The following SF1 variants were observed in gnomAD, a reference collection of about 807,000 sequenced individuals.
SF1 encodes the protein branch point-binding protein.
In SF1, 7 loss-of-function variants were observed where a neutral mutation model predicts 62.5. The observed-to-expected ratio is 0.11, with a 90% CI of 0.06 to 0.21. The LOEUF (loss-of-function observed/expected upper bound fraction) is 0.21, where lower values mean the gene tolerates loss of function less well. SF1 is among the 10% of genes least tolerant of loss of function. The pLI, the probability that SF1 is intolerant of heterozygous loss-of-function variation, is 1.00. For synonymous variants in SF1, 394 were observed against 323.6 expected (o/e 1.22, Z -2.33); for missense variants, 578 against 884.0 (o/e 0.65, Z 4.39).
chr11:64,766,814 C>A, intron 12 of SF1, 86 bp downstream of exon 12: 2 of 1,156,444 alleles, frequency 1.7e-6, no homozygotes, highest in African/African-American at 1.5e-5. Flanking sequence ...TCCCAAGACA[C>A]CTGCCTGCTT....
chr11:64,766,515 T>G, intron 12 of SF1: 1 of 439,630 alleles, frequency 2.3e-6, no homozygotes, highest in Non-Finnish European at 4.1e-6. Flanking sequence ...CACTGCCCAG[T>G]CCCACCTCTG....
chr11:64,765,418 A>T lies in SF1; in HGVS notation c.*400T>A, dbSNP rs1316223447. On this transcript the variant is annotated 3_prime_UTR_variant, in exon 13 of 13. Coordinates refer to ENST00000377390, the MANE Select transcript of SF1 (RefSeq NM_004630.4). ...GCTGCTTTGCCGAACCATCCTGTCC[A>T]CCAGGGGCGTTGCTGAGGCTGTCTG... 1 of 1,494,804 alleles carries T rather than the reference A, an allele frequency of 6.7e-7. No individual in the cohort carries two copies. The highest frequency in any genetic ancestry group is 1.7e-5 in the Admixed American group (1 of 59,778). 92.6% of individuals were successfully genotyped at this position (1,494,804 alleles called of 1,614,324 possible).
At chr11:64,778,237 G>GGGCGGGGGC in intron 1 of SF1, 125 bp downstream of exon 1, 1 of 1,196,510 alleles carries the variant, frequency 8.4e-7, no homozygotes, top group Non-Finnish European at 1.0e-6. Context: ...TCGAGCCCAC[G>GGGCGGGGGC]GGCGGGGGCG....
chr11:64,776,456 TAA>T (rs764474814), intron 2 of SF1, 40 bp downstream of exon 2: 1 of 1,526,430 alleles, frequency 6.6e-7, no homozygotes, highest in Admixed American at 2.3e-5. Flanking sequence ...GAATAAATCG[TAA>T]CAATCTCAAA....
At chr11:64,766,650 C>G (rs2058693640) in intron 12 of SF1, 1 of 445,266 alleles carries the variant, frequency 2.2e-6, no homozygotes, top group African/African-American at 2.0e-5. Flanking sequence ...CTTCTGGCCC[C>G]CTACCTACAA....
chr11:64,767,620 CGGT>C lies in SF1; in HGVS notation c.1290_1292del (p.Pro431del). The C allele has an allele frequency of 5.0e-6, 8 of 1,586,230 alleles. No homozygotes were observed. Among genetic ancestry groups the C allele is most frequent in the East Asian group, 2.3e-5 (1 of 44,332 alleles). Reference sequence around the variant, plus strand: ...CAGGAGGGTGGGGGCCCTGGTTCATCGGTGGTGGTGGTGGCTGCATCCAAGGGG... The same window carrying C: ...CAGGAGGGTGGGGGCCCTGGTTCATCGGTGGTGGTGGCTGCATCCAAGGGG... On this transcript the variant is annotated inframe_deletion, in exon 10 of 13. Transcript: ENST00000377390.
chr11:64,773,319 C>T (rs984853830), intron 3 of SF1, 111 bp downstream of exon 3: 1 of 1,525,484 alleles, frequency 6.6e-7, no homozygotes, highest in East Asian at 2.5e-5. Context: ...GGTCAGGGTA[C>T]AGTCGTCATA....
chr11:64,769,624 A>G lies in SF1; in HGVS notation c.480-15T>C. The G allele has an allele frequency of 6.2e-7, 1 of 1,609,670 alleles. No individual in the cohort carries two copies. Among genetic ancestry groups the G allele is most frequent in the Non-Finnish European group, 8.5e-7 (1 of 1,177,022 alleles). ...GGGTGTTCCCTCTAGAGAGGCAGAA[A>G]TGACTAAGTTTATACCTGACAAATT... is the stretch of plus-strand genomic sequence containing the variant. On this transcript the variant is annotated splice_polypyrimidine_tract_variant and intron_variant, in intron 5 of 12. Coordinates refer to ENST00000377390, the MANE Select transcript of SF1 (RefSeq NM_004630.4).
intron 3 of SF1, chr11:64,772,801 AG>A (rs1207342910): frequency 7.1e-6 from 7 of 985,282 alleles, no homozygotes; most frequent in African/African-American, 1.7e-5. Flanking sequence ...GCTCCCTTTA[AG>A]GAAAAAAAAA....
In SF1 at chr11:64,767,466, G is replaced by A. The variant is rs980200869; in HGVS notation, c.1342+105C>T. 1.8e-5 allele frequency: 23 copies of A among 1,248,664 alleles called. No individual in the cohort carries two copies. The African/African-American group carries it at 2.2e-4, about 12-fold the overall frequency. The allele number at this position is 1,248,664 out of a possible 1,614,324, so 77.3% of individuals were successfully genotyped here. A position where few individuals can be genotyped will look rare whatever the true frequency, so the allele number is the denominator to read the frequency against. On this transcript the variant is annotated intron_variant, in intron 10 of 12. Transcript: ENST00000377390. ...AACCCTGGCAAGCCAGGCAGACCCA[G>A]CACATTGCCCAGCCACTTGAGAGCT...
At chr11:64,770,178 C>T in intron 4 of SF1, 78 bp downstream of exon 4, 1 of 1,566,232 alleles carries the variant, frequency 6.4e-7, no homozygotes, top group Non-Finnish European at 8.8e-7. Context: ...GTGAGTAGTA[C>T]CAATACTGTC....
rs1305142127 is a variant in SF1, at chr11:64,769,603, G to A, written c.486C>T (p.Asn162=). ...ACTCCTTCTCTATGTTCTTCAGGGTGTTCCCTCTAGAGAGGCAGAAATGAC... is the reference window on the plus strand; with the variant it reads ...ACTCCTTCTCTATGTTCTTCAGGGTATTCCCTCTAGAGAGGCAGAAATGAC... ...FVGLLIGPRG[N]TLKNIEKECN... Residue 162 remains asparagine (N), a synonymous_variant, in exon 6 of 13, where the codon AAC becomes AAT. Transcript: ENST00000377390. The A allele has an allele frequency of 1.2e-6, 2 of 1,613,296 alleles. No individual in the cohort carries two copies. The highest frequency in any genetic ancestry group is 1.3e-5 in the African/African-American group (1 of 74,880).
intron 1 of SF1, 66 bp from the exon 2 acceptor site, chr11:64,776,692 A>T: frequency 6.6e-7 from 1 of 1,505,904 alleles, no homozygotes; most frequent in Non-Finnish European, 9.1e-7. Context: ...AGCTAAGGGT[A>T]TTTAAGGTAC....
Position 64,778,447 on chromosome 11 carries a change from T to G in SF1, c.-55A>C. The G allele has an allele frequency of 8.2e-7, 1 of 1,213,108 alleles. No individual in the cohort carries two copies. The highest frequency in any genetic ancestry group is 1.0e-6 in the Non-Finnish European group (1 of 975,042). 75.1% of individuals were successfully genotyped at this position (1,213,108 alleles called of 1,614,324 possible). ...GCTTTTCCTCTGCGGCGGCTTCTCCTTCGCAAGCCTCCCGGGGGGAGGGGA... is the reference window on the plus strand; with the variant it reads ...GCTTTTCCTCTGCGGCGGCTTCTCCGTCGCAAGCCTCCCGGGGGGAGGGGA... On this transcript the variant is annotated 5_prime_UTR_variant, in exon 1 of 13. Coordinates refer to ENST00000377390, the MANE Select transcript of SF1 (RefSeq NM_004630.4).
intron 3 of SF1, chr11:64,772,389 T>C (rs1938464211): frequency 1.0e-6 from 1 of 983,660 alleles, no homozygotes; most frequent in Non-Finnish European, 1.2e-6. Flanking sequence ...AATCTATCTA[T>C]AGGTAAAATA....
chr11:64,768,168 C>T lies in SF1; in HGVS notation c.1006G>A (p.Ala336Thr), dbSNP rs1330054523. Reference protein sequence around the residue: ...PASVGSTSGPATTPLASAPRP... With the variant: ...PASVGSTSGPTTTPLASAPRP... ...GGTGCGCTGGCCAGGGGTGTGGTGG[C>T]AGGCCCAGAGGTGGAGCCCACAGAT... The change falls in exon 9 of 13, where the codon GCC (alanine) becomes ACC (threonine). Residue 336 changes from alanine (A) to threonine (T), a missense_variant. This residue lies in a region of SF1 where 410 missense variants were observed against 452.4 expected (regional missense o/e 0.91). Transcript: ENST00000377390. 3.7e-6 allele frequency: 6 copies of T among 1,613,832 alleles called. No individual in the cohort carries two copies. The Admixed American group carries it at 6.7e-5, about 18-fold the overall frequency.
intron 4 of SF1, 88 bp from the exon 5 acceptor site, chr11:64,770,141 C>A: frequency 6.5e-7 from 1 of 1,546,238 alleles, no homozygotes; most frequent in Non-Finnish European, 8.9e-7. Context: ...GTACCAAGTG[C>A]TAATTATGGG....
intron 3 of SF1, 56 bp from the exon 4 acceptor site, chr11:64,770,464 C>A (rs566538154): frequency 3.2e-6 from 5 of 1,575,778 alleles, no homozygotes; most frequent in Non-Finnish European, 4.3e-6. Flanking sequence ...CATTCCCACA[C>A]GGACTATAAC....
chr11:64,766,750 C>G (rs1340765492), intron 12 of SF1, 150 bp downstream of exon 12: 4 of 550,908 alleles, frequency 7.3e-6, no homozygotes, highest in Non-Finnish European at 1.2e-5. Context: ...CCCCTCCACC[C>G]CCTGGACCAG....
Sources: allele counts gnomAD v4.1 joint callset, GRCh38; gene constraint gnomAD v4.1.1; regional missense constraint gnomAD v4.1.1; transcripts MANE v1.5; gene names NCBI Gene and HGNC (gene_info 2026-07-23, HGNC 2026-07-21).